Variants in MAPK8IP3 observed in about 807,000 individuals in gnomAD.
MAPK8IP3 encodes the protein C-Jun-amino-terminal kinase-interacting protein 3.
A neutral mutation model predicts 157.8 loss-of-function variants in MAPK8IP3; 49 were observed. The observed-to-expected ratio is 0.31, with a 90% confidence interval of 0.25 to 0.39. The LOEUF (loss-of-function observed/expected upper bound fraction) is 0.39. MAPK8IP3 is among the 10% of genes least tolerant of loss of function. The probability of loss-of-function intolerance (pLI) is 1.00; values close to 1 mark genes in which losing one functional copy is unlikely to be tolerated. For missense variants in MAPK8IP3, 1,478 were observed against 1,889.4 expected (o/e 0.78, Z 4.04); for synonymous variants, 897 against 777.7 (o/e 1.15, Z -2.55).
At chr16:1,758,280 C>A in intron 9 of MAPK8IP3, 121 bp downstream of exon 9, 2 of 1,163,776 alleles carry the variant, frequency 1.7e-6, no homozygotes, top group African/African-American at 1.5e-5. Context: ...GTCGCCGCAG[C>A]GCCTCTGCTT....
chr16:1,748,403 T>C (rs2041097727), intron 7 of MAPK8IP3, 57 bp downstream of exon 7: 1 of 1,463,030 alleles, frequency 6.8e-7, no homozygotes, highest in African/African-American at 1.4e-5. Flanking sequence ...TCCAAGTCGG[T>C]GTCTTTGGTG....
At chr16:1,730,355 G>A (rs1407131919) in intron 4 of MAPK8IP3, among the ~76,000 whole-genome samples, 1 of 152,218 alleles carries the variant, frequency 6.6e-6, no homozygotes, top group Non-Finnish European at 1.5e-5. Flanking sequence ...TGTAATCCCA[G>A]CACTTTGGGA....
At chr16:1,739,742 G>A (rs1252530468) in intron 4 of MAPK8IP3, among the ~76,000 whole-genome samples, 2 of 135,210 alleles carry the variant, frequency 1.5e-5, no homozygotes, top group Non-Finnish European at 3.1e-5. Flanking sequence ...GTGTGTGTGT[G>A]ACCGTCCGTG....
chr16:1,763,178 C>T (rs1396437012), intron 16 of MAPK8IP3, among the ~76,000 whole-genome samples, 172 bp downstream of exon 16: 1 of 152,216 alleles, frequency 6.6e-6, no homozygotes, highest in Non-Finnish European at 1.5e-5. Context: ...CTCCCTGCAG[C>T]GGGGAGCTGG....
rs761791219 is a variant in MAPK8IP3 at position 1,758,159 on chromosome 16, G to C, written c.1228G>C (p.Val410Leu). The C allele has an allele frequency of 2.5e-6, 4 of 1,613,560 alleles. No individual in the cohort carries two copies. ...EGADLLGEFS[V>L]RDDFFGMGKE... is the part of the protein sequence containing the mutation. ...GCTGGACTCGCCAGGGGAGTTCTCA[G>C]GTGAGTATCTCACTCTCCTGTCTGT... The change falls in exon 9 of 32, where the codon GTG becomes CTG. Residue 410 changes from valine (V) to leucine (L), a missense_variant and splice_region_variant. Val to Leu is a conservative substitution (Grantham distance 32). Transcript: ENST00000610761.
intron 16 of MAPK8IP3, 121 bp downstream of exon 16, chr16:1,763,127 C>A: frequency 7.5e-7 from 1 of 1,333,486 alleles, no homozygotes. Context: ...TTGCTGGCCA[C>A]ATGCCAGGGG....
chr16:1,769,716 C>T lies in MAPK8IP3; in HGVS notation c.*892C>T, dbSNP rs999551368. ...CGGGATCAGTCCTAGGACACAGGCT[C>T]AGCCTCAGGTTGATGGGGGATGATG... On this transcript the variant is annotated 3_prime_UTR_variant, in exon 32 of 32. Transcript: ENST00000610761. 2.6e-5 allele frequency: 4 copies of T among 152,768 alleles called. No individual in the cohort carries two copies. Among genetic ancestry groups the T allele is most frequent in the African/African-American group, 9.6e-5 (4 of 41,460 alleles). The allele number at this position is 152,768 out of a possible 1,614,324, so 9.5% of individuals were successfully genotyped here.
intron 11 of MAPK8IP3, 40 bp downstream of exon 11, chr16:1,760,055 C>T: frequency 2.5e-6 from 4 of 1,609,710 alleles, no homozygotes; most frequent in Non-Finnish European, 3.4e-6. Flanking sequence ...GCTGAGGCAG[C>T]CCTCCTTGTC....
Position 1,743,253 on chromosome 16 carries a change from G to C in MAPK8IP3, c.603-79G>C, listed in dbSNP as rs941311315. 2.7e-6 allele frequency: 4 copies of C among 1,457,366 alleles called. No homozygotes were observed. The highest frequency in any genetic ancestry group is 2.7e-6 in the Non-Finnish European group (3 of 1,111,826). 90.3% of individuals were successfully genotyped at this position (1,457,366 alleles called of 1,614,324 possible). ...GGAGCGGCCCCATCACTCGAGGTCT[G>C]CTTGCCCTGGGAGGGCTTGGGAAAT... On this transcript the variant is annotated intron_variant, in intron 4 of 31. Transcript: ENST00000610761. The surrounding 1 kb of genome is among the most constrained non-coding windows in gnomAD (Gnocchi z 5.6).
At chr16:1,731,311 G>C (rs1055739071) in intron 4 of MAPK8IP3, among the ~76,000 whole-genome samples, 1 of 152,236 alleles carries the variant, frequency 6.6e-6, no homozygotes, top group African/African-American at 2.4e-5. Context: ...CTGGGTGGTA[G>C]AGTGAGAGCC....
chr16:1,738,423 A>AGCGT (rs2040249680), intron 4 of MAPK8IP3, among the ~76,000 whole-genome samples: 2 of 59,534 alleles, frequency 3.4e-5, no homozygotes, highest in Non-Finnish European at 5.9e-5. Flanking sequence ...TGAGCGTGTG[A>AGCGT]CCGTGTGAGA....
chr16:1,763,378 C>T (rs1028830656), intron 16 of MAPK8IP3, among the ~76,000 whole-genome samples: 16 of 152,250 alleles, frequency 1.1e-4, no homozygotes, highest in Admixed American at 9.8e-4. Flanking sequence ...TCTGTGGAAC[C>T]CTCAGTGACT....
At chr16:1,763,998 C>G in intron 17 of MAPK8IP3, 117 bp from the exon 18 acceptor site, 1 of 1,136,156 alleles carries the variant, frequency 8.8e-7, no homozygotes, top group Non-Finnish European at 1.2e-6. Context: ...CCCCCACCTG[C>G]CTCCAGTCTT....
At chr16:1,748,858 G>A in intron 8 of MAPK8IP3, 138 bp downstream of exon 8, 1 of 827,446 alleles carries the variant, frequency 1.2e-6, no homozygotes. Flanking sequence ...TTGTTGAGTT[G>A]CGTTTCACAT....
At chr16:1,734,563 C>T (rs938375246) in intron 4 of MAPK8IP3, among the ~76,000 whole-genome samples, 1 of 152,232 alleles carries the variant, frequency 6.6e-6, no homozygotes, top group Admixed American at 6.5e-5. Context: ...GAGGAAGGCA[C>T]GGCCCCCCTC....
In MAPK8IP3 at chr16:1,748,334, G is replaced by T. The variant is rs751996288; in HGVS notation, c.1085G>T (p.Arg362Leu). The stretch of plus-strand genomic sequence containing the variant: ...ATGTGTCCAGAGACCCGCCTGGACC[G>T]CACAGGAAGCAGGTACTGGCTCAGC... The part of the protein sequence containing the change: ...LDMCPETRLD[R>L]TGSSPTQGIV... Residue 362 changes from arginine to leucine, a missense_variant, in exon 7 of 32, where the codon CGC becomes CTC. Arg to Leu is a moderately radical substitution (Grantham distance 102, BLOSUM62 -2). Coordinates refer to ENST00000610761, the MANE Select transcript of MAPK8IP3 (RefSeq NM_001318852.2). 14 of 1,613,108 alleles carry T rather than the reference G, an allele frequency of 8.7e-6. No homozygotes were observed. The Admixed American group carries it at 2.2e-4, about 25-fold the overall frequency.
intron 19 of MAPK8IP3, 121 bp downstream of exon 19, chr16:1,764,580 G>A (rs1356367881): frequency 1.4e-5 from 19 of 1,343,152 alleles, no homozygotes; most frequent in East Asian, 7.5e-5. Context: ...GCAGGGCAGC[G>A]CAGGGGCTCC....
intron 4 of MAPK8IP3, among the ~76,000 whole-genome samples, chr16:1,738,645 CGT>C (rs1283359199): frequency 6.2e-5 from 7 of 112,400 alleles, no homozygotes; most frequent in African/African-American, 1.7e-4. Flanking sequence ...TGTGAGCGTC[CGT>C]GTGAGTGTGA....
chr16:1,732,626 A>T (rs2141752652), intron 4 of MAPK8IP3, among the ~76,000 whole-genome samples: 1 of 152,336 alleles, frequency 6.6e-6, no homozygotes, highest in South Asian at 2.1e-4. Flanking sequence ...GGCGCCGGCC[A>T]TCTGCCCACC....
Sources: gnomAD v4.1 joint callset for allele counts (sites outside exome capture counted in the v4.1 genomes callset) on GRCh38, gnomAD v4.1.1 for gene constraint, Gnocchi (gnomAD v3.1) non-coding constraint, MANE v1.5 for transcripts, NCBI Gene and HGNC (gene_info 2026-07-23, HGNC 2026-07-21) for gene names.